The following JARID2 variants were observed in gnomAD, a reference collection of about 807,000 sequenced individuals.
JARID2 encodes the protein jumonji and AT-rich interaction domain containing 2, also known as protein Jumonji.
Under a neutral mutation model 125.6 loss-of-function variants are expected in JARID2, and 21 were observed. The ratio of observed to expected loss-of-function variants is 0.17; its 90% CI spans 0.12 to 0.24. The LOEUF is 0.24. Among genes scored for constraint, JARID2 ranks in the 10% least tolerant of loss-of-function variants. JARID2 has a pLI of 1.00. For synonymous variants in JARID2, 736 were observed against 661.6 expected, an observed-to-expected ratio of 1.11 and a Z score of -1.73; for missense variants, 1,303 against 1,639.6, an observed-to-expected ratio of 0.79 and a Z score of 3.55.
chr6:15,479,512 T>C (rs1769509712), intron 5 of JARID2, among the ~76,000 whole-genome samples: 2 of 152,202 alleles, frequency 1.3e-5, no homozygotes, highest in Non-Finnish European at 2.9e-5. Context: ...GTGGGAAAAA[T>C]ATTACAGAAT....
At chr6:15,247,620 T>C (rs1759235127) in intron 1 of JARID2, 3 of 984,728 alleles carry the variant, frequency 3.0e-6, no homozygotes, top group Non-Finnish European at 3.6e-6. Context: ...GGTAGACAAA[T>C]TGGTGTTAAT....
At chr6:15,465,897 G>A (rs530992413) in intron 4 of JARID2, among the ~76,000 whole-genome samples, 15 of 151,820 alleles carry the variant, frequency 9.9e-5, no homozygotes, top group African/African-American at 2.7e-4. Context: ...TTCGCCTCCC[G>A]GGTTCAAGTG....
intron 1 of JARID2, among the ~76,000 whole-genome samples, chr6:15,259,582 A>C (rs1018162389): frequency 2.6e-5 from 4 of 152,178 alleles, no homozygotes; most frequent in African/African-American, 9.7e-5. Context: ...AGAATGGTGG[A>C]CTTGGCTTCT....
At position 15,273,542 on chromosome 6, in the gene JARID2, A is replaced by C. The variant is rs1480068332; in HGVS notation, c.45+26958A>C. 5.3e-5 allele frequency among the ~76,000 whole-genome samples: 8 copies of C among 152,230 alleles called. 1 individual carries two copies. Among genetic ancestry groups the C allele is most frequent in the South Asian group, 4.1e-4 (2 of 4,834 alleles). ...CATGGAGAAACCCCATCTCTACTAA[A>C]AATACAAAATTAGCTGGGCATGGTG... On this transcript the variant is annotated intron_variant, in intron 1 of 17. Transcript: ENST00000341776.
intron 1 of JARID2, among the ~76,000 whole-genome samples, chr6:15,364,703 G>A (rs575330131): frequency 4.9e-4 from 74 of 152,318 alleles, no homozygotes; most frequent in African/African-American, 1.5e-3. Context: ...TCTCAGGGAC[G>A]TAGTAAAATG....
At chr6:15,360,600 C>G (rs1341035008) in intron 1 of JARID2, among the ~76,000 whole-genome samples, 1 of 152,178 alleles carries the variant, frequency 6.6e-6, no homozygotes, top group Non-Finnish European at 1.5e-5. Context: ...CTTCTCACCT[C>G]AGCCTCTTGA....
At chr6:15,300,726 A>C (rs140769880) in intron 1 of JARID2, among the ~76,000 whole-genome samples, 2 of 98,682 alleles carry the variant, frequency 2.0e-5, no homozygotes, top group East Asian at 5.4e-4. Flanking sequence ...TGTGTGTGAG[A>C]GAGAGAGAGA....
chr6:15,390,818 T>C (rs139447920), intron 2 of JARID2, among the ~76,000 whole-genome samples: 3 of 152,130 alleles, frequency 2.0e-5, no homozygotes, highest in Non-Finnish European at 4.4e-5. Flanking sequence ...CTAGTGGAAA[T>C]TGTTGAAGGA....
In JARID2 at chr6:15,438,919, C is replaced by G. The variant is rs184022922; in HGVS notation, c.324-13087C>G. Reference sequence around the variant, plus strand: ...TGGTGTTGGGTACCTGTAATTCCAGCTACTCAGGAGGCTGAGGCAAGAGAA... The same window carrying G: ...TGGTGTTGGGTACCTGTAATTCCAGGTACTCAGGAGGCTGAGGCAAGAGAA... On this transcript the variant is annotated intron_variant, in intron 3 of 17. Coordinates refer to ENST00000341776, the MANE Select transcript of JARID2 (RefSeq NM_004973.4). 2.3e-3 allele frequency among the ~76,000 whole-genome samples: 356 copies of G among 151,940 alleles called. 1 individual carries two copies. The highest frequency in any genetic ancestry group is 7.8e-3 in the African/African-American group (322 of 41,420).
intron 3 of JARID2, among the ~76,000 whole-genome samples, chr6:15,434,967 C>T (rs1452199101): frequency 6.6e-6 from 1 of 152,138 alleles, no homozygotes; most frequent in Non-Finnish European, 1.5e-5. Context: ...TTTCTAGAAG[C>T]TCTGTTTGGT....
At position 15,496,348 on chromosome 6, in the gene JARID2, A is replaced by G; in HGVS notation, c.1123A>G (p.Ile375Val). 3.1e-6 allele frequency: 5 copies of G among 1,614,132 alleles called. No homozygotes were observed. The highest frequency in any genetic ancestry group is 4.2e-6 in the Non-Finnish European group (5 of 1,180,030). Reference protein sequence around the residue: ...HKPSSAVNHTISGKTESSNAK... With the variant: ...HKPSSAVNHTVSGKTESSNAK... Reference sequence around the variant, plus strand: ...GCCCAGTTCCGCTGTCAACCACACAATCTCAGGGAAAACTGAAAGTAGCAA... The same window carrying G: ...GCCCAGTTCCGCTGTCAACCACACAGTCTCAGGGAAAACTGAAAGTAGCAA... The change falls in exon 7 of 18, where the codon ATC (isoleucine) becomes GTC (valine). Residue 375 changes from isoleucine (I) to valine (V), a missense_variant. By Grantham distance (29) the Ile-to-Val change is conservative. Coordinates refer to ENST00000341776, the MANE Select transcript of JARID2 (RefSeq NM_004973.4).
chr6:15,511,707 C>G (rs531670205), intron 13 of JARID2, among the ~76,000 whole-genome samples: 1 of 152,318 alleles, frequency 6.6e-6, no homozygotes, highest in African/African-American at 2.4e-5. Flanking sequence ...GGAATGAGCA[C>G]AAAGGCTTCT....
At chr6:15,390,189 C>T (rs1442345413) in intron 2 of JARID2, among the ~76,000 whole-genome samples, 3 of 152,168 alleles carry the variant, frequency 2.0e-5, no homozygotes, top group Non-Finnish European at 4.4e-5. Flanking sequence ...TGTCCACTTG[C>T]ATTTCAGTCT....
chr6:15,450,470 C>T (rs534761488), intron 3 of JARID2, among the ~76,000 whole-genome samples: 92 of 152,266 alleles, frequency 6.0e-4, no homozygotes, highest in Admixed American at 1.5e-3. Context: ...GCGCCCGGCA[C>T]TTATTTAGTT....
At chr6:15,400,980 G>C (rs1359834008) in intron 2 of JARID2, 1 of 1,289,470 alleles carries the variant, frequency 7.8e-7, no homozygotes, top group Admixed American at 2.3e-5. Flanking sequence ...GTCAGGTGCA[G>C]TTTTTGGTGG....
chr6:15,444,291 A>G (rs1274897368), intron 3 of JARID2, among the ~76,000 whole-genome samples: 1 of 152,232 alleles, frequency 6.6e-6, no homozygotes, highest in East Asian at 1.9e-4. Flanking sequence ...GATATGGTCT[A>G]TGCTAGTGCC....
intron 2 of JARID2, among the ~76,000 whole-genome samples, chr6:15,377,487 G>T (rs1387115969): frequency 6.6e-6 from 1 of 152,018 alleles, no homozygotes; most frequent in African/African-American, 2.4e-5. Context: ...AATGGTGGTG[G>T]TTTTTTGTGA....
rs1405300176 is a variant in JARID2, at chr6:15,521,650, C to T, written c.*1399C>T. The T allele has an allele frequency of 1.3e-5, 2 of 152,208 alleles. No homozygotes were observed. Among genetic ancestry groups the T allele is most frequent in the Non-Finnish European group, 2.9e-5 (2 of 68,036 alleles). 9.4% of individuals were successfully genotyped at this position (152,208 alleles called of 1,614,324 possible). ...TGTTTTCACAAGCTGTTCTTTGTTT[C>T]ATAATTGGATTCATCAATCCCGTAG... On this transcript the variant is annotated 3_prime_UTR_variant, in exon 18 of 18. Transcript: ENST00000341776.
chr6:15,355,943 C>T lies in JARID2; in HGVS notation c.46-18174C>T, dbSNP rs562305029. 2.6e-5 allele frequency among the ~76,000 whole-genome samples: 4 copies of T among 152,226 alleles called. No individual in the cohort carries two copies. In the South Asian group the frequency reaches 8.3e-4, roughly 32 times the overall value. On this transcript the variant is annotated intron_variant, in intron 1 of 17. Transcript: ENST00000341776. Reference sequence around the variant, plus strand: ...ACATTTCTGGAACTTTTTCATCACTCTCAAAGAGAAACCCGATATCCATTA... The same window carrying T: ...ACATTTCTGGAACTTTTTCATCACTTTCAAAGAGAAACCCGATATCCATTA...
Sources: gnomAD v4.1 joint callset for allele counts (sites outside exome capture counted in the v4.1 genomes callset) on GRCh38, gnomAD v4.1.1 for gene constraint, MANE v1.5 for transcripts, NCBI Gene and HGNC (gene_info 2026-07-23, HGNC 2026-07-21) for gene names.